RPL10A: variants seen among roughly 807,000 people sequenced by gnomAD.
RPL10A encodes the protein ribosomal protein L10a, also known as large ribosomal subunit protein uL1.
In RPL10A, 11 loss-of-function variants were observed where a neutral mutation model predicts 24.6. That is an observed-to-expected ratio of 0.45 (90% CI 0.28 to 0.74). RPL10A has a LOEUF of 0.74. Among genes scored for constraint, RPL10A ranks in the 30% least tolerant of loss-of-function variants. RPL10A has a pLI of 0.13. For synonymous variants in RPL10A, 98 were observed against 108.5 expected (o/e 0.90, Z 0.60); for missense variants, 136 against 273.1 (o/e 0.50, Z 3.54).
chr6:35,469,526 C>T lies in RPL10A; in HGVS notation c.307C>T (p.Leu103=), dbSNP rs1767978618. Residue 103 remains leucine (L), a synonymous_variant, in exon 4 of 6, where the codon CTG becomes TTG. Coordinates refer to ENST00000322203, the MANE Select transcript of RPL10A (RefSeq NM_007104.5). ...CAAGAATAAAAAACTGGTCAAGAAGCTGGGTGAGTCCGGCCGCTGTGGTTT... is the reference window on the plus strand; with the variant it reads ...CAAGAATAAAAAACTGGTCAAGAAGTTGGGTGAGTCCGGCCGCTGTGGTTT... ...LNKNKKLVKK[L]AKKYDAFLAS... is the part of the protein sequence containing the mutation. 1.2e-6 allele frequency: 2 copies of T among 1,612,930 alleles called. No individual in the cohort carries two copies. Among genetic ancestry groups the T allele is most frequent in the Non-Finnish European group, 1.7e-6 (2 of 1,179,518 alleles).
rs778114579 is a variant in RPL10A at position 35,468,927 on chromosome 6, A to AC, written c.81-14dup. ...GGTGGCGAGGGCCGGCGGGTGCTTA[A>AC]CCCCCCTCCTCTCTCGAAGGTTCCT... On this transcript the variant is annotated intron_variant, in intron 2 of 5. Coordinates refer to ENST00000322203, the MANE Select transcript of RPL10A (RefSeq NM_007104.5). The AC allele has an allele frequency of 1.2e-6, 2 of 1,613,296 alleles. No homozygotes were observed. Among genetic ancestry groups the AC allele is most frequent in the African/African-American group, 1.3e-5 (1 of 74,724 alleles).
intron 3 of RPL10A, 58 bp downstream of exon 3, chr6:35,469,085 G>T (rs955429450): frequency 6.9e-6 from 11 of 1,598,650 alleles, no homozygotes; most frequent in Non-Finnish European, 9.4e-6. Context: ...CCCCTCCCCT[G>T]CAGGCTCCCG....
At chr6:35,468,642 G>T in intron 1 of RPL10A, 157 bp from the exon 2 acceptor site, 1 of 1,517,036 alleles carries the variant, frequency 6.6e-7, no homozygotes, top group East Asian at 2.5e-5. Flanking sequence ...CTTGGGTCTG[G>T]GTCTGAGCTC....
intron 4 of RPL10A, among the ~76,000 whole-genome samples, chr6:35,469,755 G>C (rs954860775): frequency 6.6e-6 from 1 of 151,972 alleles, no homozygotes; most frequent in African/African-American, 2.4e-5. Context: ...AAGTTGACCA[G>C]CCAGGTGCTG....
rs1561800535 is a variant in RPL10A, at chr6:35,470,560, CCT to C, written c.484-15_484-14del. On this transcript the variant is annotated intron_variant, in intron 5 of 5. Transcript: ENST00000322203. This position sits in a 1 kb window ranked among gnomAD's most constrained non-coding sequence, Gnocchi z 4.6. The stretch of plus-strand genomic sequence containing the variant: ...TATTCGTCCACCAACCTGACTTGAT[CCT>C]CTCTTCCCTCCTCCCAGGTGTTATG... 2.5e-6 allele frequency: 4 copies of C among 1,608,734 alleles called. No individual in the cohort carries two copies. The highest frequency in any genetic ancestry group is 1.7e-5 in the Admixed American group (1 of 59,896).
chr6:35,469,569 G>A (rs751021878), intron 4 of RPL10A, 40 bp downstream of exon 4: 7 of 1,594,062 alleles, frequency 4.4e-6, no homozygotes, highest in Non-Finnish European at 5.1e-6. Context: ...GAGATGTGTG[G>A]TGGGGGCGGT....
At chr6:35,469,339 A>C in intron 3 of RPL10A, 42 bp from the exon 4 acceptor site, 1 of 1,544,378 alleles carries the variant, frequency 6.5e-7, no homozygotes, top group East Asian at 2.3e-5. Context: ...CTTGGGACCC[A>C]GGGCTAGGCG....
rs1325451285 is a variant in RPL10A at position 35,468,826 on chromosome 6, C to G, written c.33C>G (p.Tyr11Ter). MSSKVSRDTL[Y>*]EAVREVLHGN... is the part of the protein sequence containing the mutation. ...GCAAAGTCTCTCGCGACACCCTGTA[C>G]GAGGCGGTGCGGGAAGTCCTGCACG... is the stretch of plus-strand genomic sequence containing the variant. The change falls in exon 2 of 6, where the codon TAC (tyrosine) becomes TAG (stop). Residue 11 changes from tyrosine to a stop codon, truncating the protein, a stop_gained. Transcript: ENST00000322203. LOFTEE classifies it high-confidence loss of function. 2.5e-6 allele frequency: 4 copies of G among 1,609,404 alleles called. No homozygotes were observed. Among genetic ancestry groups the G allele is most frequent in the Non-Finnish European group, 3.4e-6 (4 of 1,178,186 alleles).
At position 35,470,649 on chromosome 6, in the gene RPL10A, C is replaced by T. The variant is rs1768017578; in HGVS notation, c.553C>T (p.Leu185=). ...TDDELVYNIH[L]AVNFLVSLLK... ...CGATGAGCTTGTGTATAACATTCAC[C>T]TGGCTGTCAACTTCTTGGTGTCATT... The change falls in exon 6 of 6, where the codon CTG becomes TTG. Residue 185 remains leucine, a synonymous_variant. Coordinates refer to ENST00000322203, the MANE Select transcript of RPL10A (RefSeq NM_007104.5). The surrounding 1 kb of genome is among the most constrained non-coding windows in gnomAD (Gnocchi z 4.6). The T allele has an allele frequency of 6.2e-7, 1 of 1,613,642 alleles. No individual in the cohort carries two copies. Among genetic ancestry groups the T allele is most frequent in the Admixed American group, 1.7e-5 (1 of 59,994 alleles).
In RPL10A at chr6:35,470,060, G is replaced by C; in HGVS notation, c.311-119G>C. ...AAAGACTGAGGCGGGGTCTTAGAGA[G>C]GGTGCTGCTTGGAGGTCACTTACAT... On this transcript the variant is annotated intron_variant, in intron 4 of 5. Coordinates refer to ENST00000322203, the MANE Select transcript of RPL10A (RefSeq NM_007104.5). This position sits in a 1 kb window ranked among gnomAD's most constrained non-coding sequence, Gnocchi z 4.6. The C allele has an allele frequency of 1.1e-6, 1 of 888,280 alleles. No homozygotes were observed. The highest frequency in any genetic ancestry group is 1.7e-6 in the Non-Finnish European group (1 of 580,524). The allele number at this position is 888,280 out of a possible 1,614,324, so 55.0% of individuals were successfully genotyped here. A position where few individuals can be genotyped will look rare whatever the true frequency, so the allele number is the denominator to read the frequency against.
Position 35,468,935 on chromosome 6 carries a change from CCT to C in RPL10A, c.81-6_81-5del, listed in dbSNP as rs1418498400. ...GGGCCGGCGGGTGCTTAACCCCCCT[CCT>C]CTCTCGAAGGTTCCTGGAGACGGTG... On this transcript the variant is annotated splice_polypyrimidine_tract_variant and intron_variant, in intron 2 of 5. Coordinates refer to ENST00000322203, the MANE Select transcript of RPL10A (RefSeq NM_007104.5). 6 of 1,613,832 alleles carry C rather than the reference CCT, an allele frequency of 3.7e-6. No individual in the cohort carries two copies. Among genetic ancestry groups the C allele is most frequent in the Non-Finnish European group, 2.5e-6 (3 of 1,179,920 alleles).
chr6:35,469,317 CCTTCACCG>C, intron 3 of RPL10A, 56 bp from the exon 4 acceptor site: 1 of 1,525,940 alleles, frequency 6.6e-7, no homozygotes, highest in Non-Finnish European at 8.8e-7. Flanking sequence ...GGTCCCAGAC[CCTTCACCG>C]GCCCTTGGGA....
In RPL10A at chr6:35,470,776, C is replaced by G; in HGVS notation, c.*26C>G. 1 of 1,594,544 alleles carries G rather than the reference C, an allele frequency of 6.3e-7. No homozygotes were observed. The highest frequency in any genetic ancestry group is 8.5e-7 in the Non-Finnish European group (1 of 1,176,310). ...GGCACATTTGAATAAATTCTATTAC[C>G]AGTTCCCTCTGTCTGCCTGTGATTG... On this transcript the variant is annotated 3_prime_UTR_variant, in exon 6 of 6. Coordinates refer to ENST00000322203, the MANE Select transcript of RPL10A (RefSeq NM_007104.5). The surrounding 1 kb of genome is among the most constrained non-coding windows in gnomAD (Gnocchi z 4.6).
In RPL10A at chr6:35,469,545, G is replaced by C; in HGVS notation, c.310+16G>C. On this transcript the variant is annotated intron_variant, in intron 4 of 5. Transcript: ENST00000322203. ...AAGAAGCTGGGTGAGTCCGGCCGCT[G>C]TGGTTTTGCATGTGAGATGTGTGGT... 6.2e-7 allele frequency: 1 copy of C among 1,609,802 alleles called. No individual in the cohort carries two copies. Among genetic ancestry groups the C allele is most frequent in the Non-Finnish European group, 8.5e-7 (1 of 1,178,200 alleles).
intron 3 of RPL10A, 84 bp downstream of exon 3, chr6:35,469,111 G>C (rs1767962183): frequency 3.2e-6 from 5 of 1,579,354 alleles, no homozygotes; most frequent in East Asian, 2.3e-5. Context: ...CCGGAGGCGG[G>C]CACGTCGGTA....
chr6:35,470,522 A>G lies in RPL10A; in HGVS notation c.484-58A>G, dbSNP rs1768011704. ...TCACCAGGCCACTGGGGGAGGAAGG[A>G]CAGGCCATCTGCTATTCGTCCACCA... On this transcript the variant is annotated intron_variant, in intron 5 of 5. Coordinates refer to ENST00000322203, the MANE Select transcript of RPL10A (RefSeq NM_007104.5). The surrounding 1 kb of genome is among the most constrained non-coding windows in gnomAD (Gnocchi z 4.6). 5 of 1,555,298 alleles carry G rather than the reference A, an allele frequency of 3.2e-6. No homozygotes were observed. In the South Asian group the frequency reaches 5.9e-5, roughly 18 times the overall value.
rs926442326 is a variant in RPL10A, at chr6:35,470,062, G to A, written c.311-117G>A. On this transcript the variant is annotated intron_variant, in intron 4 of 5. Transcript: ENST00000322203. The surrounding 1 kb of genome is among the most constrained non-coding windows in gnomAD (Gnocchi z 4.6). ...AGACTGAGGCGGGGTCTTAGAGAGGGTGCTGCTTGGAGGTCACTTACATGA... is the reference window on the plus strand; with the variant it reads ...AGACTGAGGCGGGGTCTTAGAGAGGATGCTGCTTGGAGGTCACTTACATGA... The A allele has an allele frequency of 6.6e-6, 6 of 910,202 alleles. No homozygotes were observed. In the African/African-American group the frequency reaches 9.9e-5, roughly 15 times the overall value. 56.4% of individuals were successfully genotyped at this position (910,202 alleles called of 1,614,324 possible).
In RPL10A at chr6:35,469,241, A is replaced by T. The variant is rs1193603677; in HGVS notation, c.162-140A>T. The stretch of plus-strand genomic sequence containing the variant: ...TAGGCCTCGGCCGAGCCCGCCGGCC[A>T]GCCTGAGAAGCCAGGCTGGCTGCTG... On this transcript the variant is annotated intron_variant, in intron 3 of 5. Coordinates refer to ENST00000322203, the MANE Select transcript of RPL10A (RefSeq NM_007104.5). The T allele has an allele frequency of 4.0e-6, 6 of 1,491,076 alleles. No homozygotes were observed. The Admixed American group carries it at 7.4e-5, about 18-fold the overall frequency. The allele number at this position is 1,491,076 out of a possible 1,614,324, so 92.4% of individuals were successfully genotyped here.
In RPL10A at chr6:35,470,172, C is replaced by T. The variant is rs376367570; in HGVS notation, c.311-7C>T. On this transcript the variant is annotated splice_polypyrimidine_tract_variant and splice_region_variant and intron_variant, in intron 4 of 5. Coordinates refer to ENST00000322203, the MANE Select transcript of RPL10A (RefSeq NM_007104.5). The surrounding 1 kb of genome is among the most constrained non-coding windows in gnomAD (Gnocchi z 4.6). ...AAGCAATGCCAATGGCTTCCTCTCT[C>T]TATCAGCCAAGAAGTATGATGCGTT... 3.5e-5 allele frequency: 56 copies of T among 1,611,176 alleles called. No homozygotes were observed. The highest frequency in any genetic ancestry group is 4.6e-5 in the Non-Finnish European group (54 of 1,177,958).
Sources: gnomAD v4.1 joint callset for allele counts (sites outside exome capture counted in the v4.1 genomes callset) on GRCh38, gnomAD v4.1.1 for gene constraint, Gnocchi (gnomAD v3.1) non-coding constraint, MANE v1.5 for transcripts, NCBI Gene and HGNC (gene_info 2026-07-23, HGNC 2026-07-21) for gene names.